ENTREP2: variants seen among roughly 807,000 people sequenced by gnomAD.
The protein encoded by ENTREP2 is protein ENTREP2.
chr15:29,616,353 T>C, the ENTREP2 span, among the ~76,000 whole-genome samples: 4 of 152,106 alleles, frequency 2.6e-5, 1 homozygote, highest in South Asian at 4.1e-4. Flanking sequence ...TGACACCACT[T>C]GAAGGGGCTG....
chr15:29,284,956 G>T, the ENTREP2 span, among the ~76,000 whole-genome samples: 4 of 152,144 alleles, frequency 2.6e-5, no homozygotes, highest in Admixed American at 2.6e-4. Context: ...GAAAATTTTA[G>T]TTAGATCCTA....
the ENTREP2 span, among the ~76,000 whole-genome samples, chr15:29,577,500 C>T: frequency 2.8e-4 from 42 of 152,044 alleles, no homozygotes; most frequent in African/African-American, 7.5e-4. Context: ...ACTACAGGTG[C>T]GCACCACCGT....
the ENTREP2 span, among the ~76,000 whole-genome samples, chr15:29,293,806 G>A: frequency 7.9e-5 from 12 of 152,248 alleles, no homozygotes; most frequent in South Asian, 2.1e-4. Context: ...CTCCACCCCC[G>A]CTCCACTGCC....
chr15:29,425,808 A>G, the ENTREP2 span, among the ~76,000 whole-genome samples: 1 of 152,012 alleles, frequency 6.6e-6, no homozygotes, highest in Non-Finnish European at 1.5e-5. Context: ...ATAGATATCT[A>G]TAGTCTCTAT....
chr15:29,473,614 AAGAT>A, the ENTREP2 span, among the ~76,000 whole-genome samples: 1 of 152,206 alleles, frequency 6.6e-6, no homozygotes, highest in Non-Finnish European at 1.5e-5. Context: ...TCTGAACAAA[AAGAT>A]AGACTTCAGT....
chr15:29,654,243 G>A, the ENTREP2 span, among the ~76,000 whole-genome samples: 1 of 152,080 alleles, frequency 6.6e-6, no homozygotes, highest in Non-Finnish European at 1.5e-5. Flanking sequence ...CGGTAAAATT[G>A]TTTTCTCAAA....
the ENTREP2 span, among the ~76,000 whole-genome samples, chr15:29,264,369 A>G: frequency 5.3e-5 from 8 of 152,266 alleles, no homozygotes; most frequent in East Asian, 1.5e-3. Flanking sequence ...CAAAGTCTCA[A>G]AGTGTCTCCA....
chr15:29,493,664 T>C, the ENTREP2 span, among the ~76,000 whole-genome samples: 3 of 151,944 alleles, frequency 2.0e-5, no homozygotes, highest in Middle Eastern at 6.8e-3. Context: ...TATAGATAGA[T>C]AGACAGATAG....
the ENTREP2 span, among the ~76,000 whole-genome samples, chr15:29,426,553 C>A: frequency 6.6e-6 from 1 of 152,174 alleles, no homozygotes. Context: ...CATCTTGTCT[C>A]ATTCCTCTCA....
At chr15:29,204,876 G>A in the ENTREP2 span, among the ~76,000 whole-genome samples, 26 of 152,192 alleles carry the variant, frequency 1.7e-4, no homozygotes, top group African/African-American at 5.8e-4. Flanking sequence ...CAGTTCAGTG[G>A]CATTAAACAT....
chr15:29,583,292 G>A, the ENTREP2 span, among the ~76,000 whole-genome samples: 165 of 152,256 alleles, frequency 1.1e-3, no homozygotes, highest in African/African-American at 3.6e-3. Context: ...ATATACACCA[G>A]GGAATACTAT....
chr15:29,206,644 G>A, the ENTREP2 span, among the ~76,000 whole-genome samples: 4 of 152,244 alleles, frequency 2.6e-5, no homozygotes, highest in East Asian at 7.7e-4. Flanking sequence ...GTCGGGGACA[G>A]GGGCCAATCC....
At chr15:29,284,556 C>CAA in the ENTREP2 span, among the ~76,000 whole-genome samples, 380 of 125,382 alleles carry the variant, frequency 3.0e-3, 1 homozygote, top group African/African-American at 4.6e-3. Context: ...GACTCCATCT[C>CAA]AAAAAAAAAA....
At chr15:29,478,294 T>C in the ENTREP2 span, among the ~76,000 whole-genome samples, 2 of 151,960 alleles carry the variant, frequency 1.3e-5, no homozygotes, top group African/African-American at 4.8e-5. Flanking sequence ...CCCAAAGTGC[T>C]GGGATTATAG....
At chr15:29,399,982 T>C in the ENTREP2 span, among the ~76,000 whole-genome samples, 3 of 152,180 alleles carry the variant, frequency 2.0e-5, no homozygotes, top group African/African-American at 4.8e-5. Flanking sequence ...AAAATCCACA[T>C]ATAAGTGGAC....
At chr15:29,131,585 C>T in the ENTREP2 span, among the ~76,000 whole-genome samples, 7 of 75,682 alleles carry the variant, frequency 9.2e-5, no homozygotes, top group East Asian at 6.1e-4. Flanking sequence ...TTCACCTGCA[C>T]CACCTCCCCC....
chr15:29,443,580 A>G, the ENTREP2 span, among the ~76,000 whole-genome samples: 8 of 152,088 alleles, frequency 5.3e-5, no homozygotes, highest in African/African-American at 1.9e-4. Context: ...GTGTGCCCCA[A>G]GAAGTGTCCG....
At chr15:29,223,646 C>CACT in the ENTREP2 span, among the ~76,000 whole-genome samples, 2 of 152,150 alleles carry the variant, frequency 1.3e-5, no homozygotes, top group Admixed American at 1.3e-4. Flanking sequence ...TTCTTGCAGA[C>CACT]ACTAAAGCCC....
the ENTREP2 span, among the ~76,000 whole-genome samples, chr15:29,231,698 T>G: frequency 8.5e-5 from 13 of 152,108 alleles, no homozygotes; most frequent in Non-Finnish European, 1.3e-4. Flanking sequence ...TCATTGTTAA[T>G]ACCTCTATAA....
Sources: allele counts gnomAD v4.1 joint callset (sites outside exome capture counted in the v4.1 genomes callset), GRCh38; gene constraint gnomAD v4.1.1; transcripts MANE v1.5; gene names NCBI Gene and HGNC (gene_info 2026-07-23, HGNC 2026-07-21).